Variants in PRIMPOL observed in about 807,000 individuals in gnomAD.
PRIMPOL encodes the protein DNA-directed primase/polymerase protein.
Under a neutral mutation model 63.6 loss-of-function variants are expected in PRIMPOL, and 54 were observed. That is an observed-to-expected ratio of 0.85 (90% CI 0.68 to 1.07). The LOEUF (loss-of-function observed/expected upper bound fraction) is 1.07, where lower values mean the gene tolerates loss of function less well. PRIMPOL is among the 50% of genes least tolerant of loss of function. The pLI is 0.00. For missense variants in PRIMPOL, 610 were observed against 648.3 expected (o/e 0.94, Z 0.64); for synonymous variants, 197 against 220.2 (o/e 0.89, Z 0.93).
At chr4:184,677,082 C>T (rs1754290626) in intron 7 of PRIMPOL, among the ~76,000 whole-genome samples, 1 of 131,208 alleles carries the variant, frequency 7.6e-6, no homozygotes, top group South Asian at 2.8e-4. Flanking sequence ...TTTCTATTTC[C>T]ACCTCTCTCT....
chr4:184,689,786 C>A (rs2696037), intron 11 of PRIMPOL, among the ~76,000 whole-genome samples: 10 of 152,082 alleles, frequency 6.6e-5, no homozygotes, highest in African/African-American at 2.4e-4. Context: ...TACAACCACA[C>A]CCCAAAGCCC....
intron 6 of PRIMPOL, among the ~76,000 whole-genome samples, chr4:184,666,612 C>T (rs548533410): frequency 3.3e-5 from 5 of 152,298 alleles, no homozygotes; most frequent in Admixed American, 6.5e-5. Context: ...CATCCATGTC[C>T]AGATAGTGGT....
intron 6 of PRIMPOL, among the ~76,000 whole-genome samples, chr4:184,668,023 T>A (rs2150075946): frequency 6.6e-6 from 1 of 152,338 alleles, no homozygotes; most frequent in South Asian, 2.1e-4. Context: ...CAGATATTAG[T>A]AATGGTAGAG....
chr4:184,691,499 G>A lies in PRIMPOL; in HGVS notation c.1296G>A (p.Met432Ile), dbSNP rs757889330. Residue 432 changes from methionine (M) to isoleucine (I), a missense_variant and splice_region_variant, in exon 12 of 14, where the codon ATG (methionine) becomes ATA (isoleucine). This residue lies in a region of PRIMPOL where 444 missense variants were observed against 456.4 expected (regional missense o/e 0.97). Transcript: ENST00000314970. ...TTTTTTTTTTTTTTTAAACATAAAG[G>A]ATTCTGGTTGATCTGAAAAATGAAG... ...IGRAHKSNNI[M>I]ILVDLKNEVW... is the part of the protein sequence containing the mutation. The A allele has an allele frequency of 6.4e-6, 10 of 1,559,368 alleles. No individual in the cohort carries two copies. The highest frequency in any genetic ancestry group is 4.6e-4 in the Middle Eastern group (2 of 4,318).
chr4:184,654,712 A>G (rs1250243464), intron 2 of PRIMPOL, among the ~76,000 whole-genome samples: 1 of 152,088 alleles, frequency 6.6e-6, no homozygotes, highest in Non-Finnish European at 1.5e-5. Context: ...TTGGCCTCCG[A>G]AAGTGCTGGG....
intron 7 of PRIMPOL, among the ~76,000 whole-genome samples, chr4:184,677,849 T>C (rs1754526574): frequency 6.6e-6 from 1 of 152,234 alleles, no homozygotes; most frequent in Admixed American, 6.5e-5. Context: ...ATAGAAATCT[T>C]ATCCATATTT....
In PRIMPOL at chr4:184,660,526, G is replaced by A. The variant is rs183669961; in HGVS notation, c.278+1089G>A. 1.0e-3 allele frequency among the ~76,000 whole-genome samples: 152 copies of A among 152,250 alleles called. 2 individuals carry two copies. Among genetic ancestry groups the A allele is most frequent in the Non-Finnish European group, 1.8e-4 (12 of 68,010 alleles). ...CTTGAGTAATGTGTGGAAAAGGAGAGTAAATTGTTAGCATGCCCTATATTG... is the reference window on the plus strand; with the variant it reads ...CTTGAGTAATGTGTGGAAAAGGAGAATAAATTGTTAGCATGCCCTATATTG... On this transcript the variant is annotated intron_variant, in intron 4 of 13. Coordinates refer to ENST00000314970, the MANE Select transcript of PRIMPOL (RefSeq NM_152683.4).
intron 1 of PRIMPOL, among the ~76,000 whole-genome samples, chr4:184,650,988 G>A (rs1292815954): frequency 6.6e-6 from 1 of 152,132 alleles, no homozygotes; most frequent in African/African-American, 2.4e-5. Flanking sequence ...AGAGGTTAAG[G>A]CCGAGTTTAA....
At chr4:184,654,452 A>AGTTTTTTTTTTTTTT (rs1560928287) in intron 2 of PRIMPOL, among the ~76,000 whole-genome samples, 3 of 126,566 alleles carry the variant, frequency 2.4e-5, no homozygotes, top group Non-Finnish European at 3.3e-5. Context: ...AAGTTAAAGC[A>AGTTTTTTTTTTTTTT]GTTTTTTTTT....
Position 184,692,471 on chromosome 4 carries a change from C to CAAAAAA in PRIMPOL, c.1425+776_1425+781dup, listed in dbSNP as rs60321808. Among the ~76,000 whole-genome samples, 105 of 73,766 alleles carry CAAAAAA rather than the reference C, an allele frequency of 1.4e-3. 1 individual carries two copies. Among genetic ancestry groups the CAAAAAA allele is most frequent in the South Asian group, 2.4e-3 (4 of 1,680 alleles). 48.4% of individuals were successfully genotyped at this position (73,766 alleles called of 152,430 possible). ...CCTGGGAGACAGAGCGACTCTGCCTCAAAAAAAAAAAAAAAAAAAAAAGAA... is the reference window on the plus strand; with the variant it reads ...CCTGGGAGACAGAGCGACTCTGCCTCAAAAAAAAAAAAAAAAAAAAAAAAAAAAGAA... On this transcript the variant is annotated intron_variant, in intron 13 of 13. Coordinates refer to ENST00000314970, the MANE Select transcript of PRIMPOL (RefSeq NM_152683.4).
chr4:184,666,930 G>A (rs1227177681), intron 6 of PRIMPOL, among the ~76,000 whole-genome samples: 2 of 152,186 alleles, frequency 1.3e-5, no homozygotes, highest in Non-Finnish European at 2.9e-5. Flanking sequence ...ACCATATGAA[G>A]GTCTGAATAA....
chr4:184,693,469 T>C (rs771634202), intron 13 of PRIMPOL, among the ~76,000 whole-genome samples: 8 of 152,210 alleles, frequency 5.3e-5, no homozygotes, highest in Non-Finnish European at 1.2e-4. Flanking sequence ...GTAAGATATA[T>C]AATGAACACC....
At chr4:184,688,984 TAAAA>T (rs999252136) in intron 11 of PRIMPOL, among the ~76,000 whole-genome samples, 1 of 145,494 alleles carries the variant, frequency 6.9e-6, no homozygotes, top group Non-Finnish European at 1.5e-5. Context: ...ATCCATAAAC[TAAAA>T]AAAAAAGCCA....
At chr4:184,678,035 G>A (rs1259830050) in intron 7 of PRIMPOL, among the ~76,000 whole-genome samples, 197 bp from the exon 8 acceptor site, 1 of 152,122 alleles carries the variant, frequency 6.6e-6, no homozygotes. Flanking sequence ...TGAGTTTGCT[G>A]TTTCAGAATG....
chr4:184,666,188 T>C lies in PRIMPOL; in HGVS notation c.556+124T>C, dbSNP rs201492121. 6.8e-5 allele frequency: 50 copies of C among 735,348 alleles called. No homozygotes were observed. In the East Asian group the frequency reaches 1.1e-3, roughly 15 times the overall value. The allele number at this position is 735,348 out of a possible 1,614,324, so 45.6% of individuals were successfully genotyped here. On this transcript the variant is annotated intron_variant, in intron 6 of 13. Transcript: ENST00000314970. ...CATTAACTTATCCTAAAAAATGCGATGTAGGCTGAGTGCAGTGGCTCACAC... is the reference window on the plus strand; with the variant it reads ...CATTAACTTATCCTAAAAAATGCGACGTAGGCTGAGTGCAGTGGCTCACAC...
chr4:184,655,914 C>G, intron 2 of PRIMPOL, among the ~76,000 whole-genome samples: 1 of 152,170 alleles, frequency 6.6e-6, no homozygotes, highest in Non-Finnish European at 1.5e-5. Flanking sequence ...TCAAAGCCAG[C>G]CCCAAACTTA....
intron 6 of PRIMPOL, among the ~76,000 whole-genome samples, chr4:184,669,308 G>C (rs76099741): frequency 6.6e-6 from 1 of 152,216 alleles, no homozygotes; most frequent in Non-Finnish European, 1.5e-5. Flanking sequence ...AGAGCTGGCA[G>C]ATGGCAAAGC....
chr4:184,652,214 G>A (rs2150012736), intron 2 of PRIMPOL, 114 bp downstream of exon 2: 1 of 152,298 alleles, frequency 6.6e-6, no homozygotes, highest in African/African-American at 2.4e-5. Flanking sequence ...AATGAAATAG[G>A]TAAATGATTT....
Position 184,657,337 on chromosome 4 carries a change from C to G in PRIMPOL, c.180+17C>G. The G allele has an allele frequency of 6.4e-7, 1 of 1,573,176 alleles. No homozygotes were observed. Among genetic ancestry groups the G allele is most frequent in the Non-Finnish European group, 8.7e-7 (1 of 1,153,586 alleles). On this transcript the variant is annotated intron_variant, in intron 3 of 13. Coordinates refer to ENST00000314970, the MANE Select transcript of PRIMPOL (RefSeq NM_152683.4). ...TGTAAAGAAGTAATTTCCTCCTCCT[C>G]CTCTTCTTCTTCCTCCTCTTCCACT... is the stretch of plus-strand genomic sequence containing the variant.
Sources: gnomAD v4.1 joint callset for allele counts (sites outside exome capture counted in the v4.1 genomes callset) on GRCh38, gnomAD v4.1.1 for gene constraint, gnomAD v4.1.1 regional missense constraint, MANE v1.5 for transcripts, NCBI Gene and HGNC (gene_info 2026-07-23, HGNC 2026-07-21) for gene names.